The following KCNQ1 variants were observed in gnomAD, a reference collection of about 807,000 sequenced individuals.
The protein encoded by KCNQ1 is potassium voltage-gated channel subfamily Q member 1, also known as potassium voltage-gated channel subfamily KQT member 1.
A neutral mutation model predicts 72.4 loss-of-function variants in KCNQ1; 49 were observed. The ratio of observed to expected loss-of-function variants is 0.68; its 90% CI spans 0.54 to 0.86. The LOEUF is 0.86. KCNQ1 is among the 40% of genes least tolerant of loss of function. The probability of loss-of-function intolerance (pLI) is 0.00; values close to 1 mark genes in which losing one functional copy is unlikely to be tolerated. For synonymous variants in KCNQ1, 450 were observed against 412.6 expected (o/e 1.09, Z -1.10); for missense variants, 790 against 945.1 (o/e 0.84, Z 2.15).
At chr11:2,717,950 C>T (rs231887) in intron 11 of KCNQ1, among the ~76,000 whole-genome samples, 30,502 of 152,170 alleles carry the variant, frequency 0.2, 5,152 homozygotes, top group African/African-American at 0.47. Flanking sequence ...GAGTAAAGAC[C>T]ACACCTGGCA....
intron 11 of KCNQ1, among the ~76,000 whole-genome samples, chr11:2,708,395 GT>G (rs1222783682): frequency 2.0e-5 from 3 of 152,198 alleles, no homozygotes; most frequent in Non-Finnish European, 2.9e-5. Flanking sequence ...TGGCGTTTCT[GT>G]TTTGCTCCCT....
Position 2,466,406 on chromosome 11 carries a change from T to C in KCNQ1, c.386+20922T>C, listed in dbSNP as rs113702119. Among the ~76,000 whole-genome samples, 71 of 152,248 alleles carry C rather than the reference T, an allele frequency of 4.7e-4. 2 individuals are homozygous for C. Among genetic ancestry groups the C allele is most frequent in the African/African-American group, 1.6e-3 (68 of 41,568 alleles). ...GGGGCTCCCAGAAGAGAGTGAGTTT[T>C]GAGGGAACACAGTGCTGGGGGTCCC... On this transcript the variant is annotated intron_variant, in intron 1 of 15. Transcript: ENST00000155840.
intron 11 of KCNQ1, chr11:2,688,219 GGTT>G (rs1850525294): frequency 2.5e-6 from 1 of 398,776 alleles, no homozygotes; most frequent in East Asian, 3.6e-5. Context: ...GCCCACCAAA[GGTT>G]GTAGCCACTC....
At chr11:2,594,013 C>T (rs550920205) in intron 10 of KCNQ1, among the ~76,000 whole-genome samples, 1 of 152,238 alleles carries the variant, frequency 6.6e-6, no homozygotes, top group Non-Finnish European at 1.5e-5. Context: ...GTCTTTTAAA[C>T]AATCCTCTTT....
intron 11 of KCNQ1, chr11:2,685,290 T>C: frequency 2.5e-6 from 1 of 398,648 alleles, no homozygotes; most frequent in South Asian, 1.3e-4. Context: ...CCCACAAACA[T>C]GCACACAGAG....
Position 2,720,472 on chromosome 11 carries a change from G to GC in KCNQ1, c.1515-48367dup, listed in dbSNP as rs1280169828. ...AAGAAGGCCTCTCGAAGCAGAGGCAGCCCCCTCGAAGCTCACCTGGCCTCT... is the reference window on the plus strand; with the variant it reads ...AAGAAGGCCTCTCGAAGCAGAGGCAGCCCCCCTCGAAGCTCACCTGGCCTCT... On this transcript the variant is annotated intron_variant, in intron 11 of 15. Transcript: ENST00000155840. This position sits in a 1 kb window ranked among gnomAD's most constrained non-coding sequence, Gnocchi z 5.1. 6.6e-6 allele frequency among the ~76,000 whole-genome samples: 1 copy of GC among 152,186 alleles called. No individual in the cohort carries two copies. Among genetic ancestry groups the GC allele is most frequent in the Non-Finnish European group, 1.5e-5 (1 of 68,038 alleles).
At chr11:2,625,361 T>C in intron 10 of KCNQ1, 1 of 398,518 alleles carries the variant, frequency 2.5e-6, no homozygotes, top group East Asian at 3.6e-5. Flanking sequence ...GCTTAGGCTA[T>C]CCTCCCACCT....
chr11:2,622,077 T>C, intron 10 of KCNQ1: 1 of 398,354 alleles, frequency 2.5e-6, no homozygotes, highest in Non-Finnish European at 4.4e-6. Context: ...GTTCCCACTG[T>C]CATTTGTCTG....
chr11:2,612,338 T>C lies in KCNQ1; in HGVS notation c.1393+23484T>C. 1 of 398,700 alleles carries C rather than the reference T, an allele frequency of 2.5e-6. No homozygotes were observed. Among genetic ancestry groups the C allele is most frequent in the East Asian group, 3.6e-5 (1 of 28,084 alleles). The allele number at this position is 398,700 out of a possible 1,614,324, so 24.7% of individuals were successfully genotyped here. A position where few individuals can be genotyped will look rare whatever the true frequency, so the allele number is the denominator to read the frequency against. ...AACTAAAGCCTCCCCCAACTGGCTG[T>C]GGAAAAATTGTCTTCCACAAAACTG... On this transcript the variant is annotated intron_variant, in intron 10 of 15. Coordinates refer to ENST00000155840, the MANE Select transcript of KCNQ1 (RefSeq NM_000218.3). This position sits in a 1 kb window ranked among gnomAD's most constrained non-coding sequence, Gnocchi z 5.5.
rs542979014 is a variant in KCNQ1 at position 2,745,699 on chromosome 11, G to T, written c.1515-23145G>T. On this transcript the variant is annotated intron_variant, in intron 11 of 15. Transcript: ENST00000155840. The surrounding 1 kb of genome is among the most constrained non-coding windows in gnomAD (Gnocchi z 6.2). ...GCCTCAGCACCCGGCGGAGGCAGGG[G>T]CTTCCTCTGACACGATACAGGGATT... 7.9e-5 allele frequency among the ~76,000 whole-genome samples: 12 copies of T among 152,312 alleles called. No homozygotes were observed. In the East Asian group the frequency reaches 2.1e-3, roughly 27 times the overall value.
intron 1 of KCNQ1, among the ~76,000 whole-genome samples, chr11:2,455,379 G>C (rs1045473085): frequency 6.6e-6 from 1 of 152,178 alleles, no homozygotes; most frequent in Non-Finnish European, 1.5e-5. Context: ...ATTCAGGCTT[G>C]AGCCACCGTG....
intron 15 of KCNQ1, among the ~76,000 whole-genome samples, chr11:2,778,979 G>A (rs1395193061): frequency 6.6e-6 from 1 of 152,164 alleles, no homozygotes; most frequent in African/African-American, 2.4e-5. Context: ...ATCTGCCCAT[G>A]GCCTGGGGCG....
At chr11:2,665,093 TAA>T (rs1413480270) in intron 11 of KCNQ1, 3 of 398,262 alleles carry the variant, frequency 7.5e-6, no homozygotes, top group African/African-American at 2.1e-5. Flanking sequence ...ACCCAGGAGA[TAA>T]AGAGTGGCGT....
chr11:2,672,249 T>C (rs1850196853), intron 11 of KCNQ1: 1 of 398,592 alleles, frequency 2.5e-6, no homozygotes, highest in African/African-American at 2.1e-5. Context: ...TGCTTTTTTC[T>C]GCTTTTCTTT....
chr11:2,516,547 ATGT>A lies in KCNQ1; in HGVS notation c.387-11379_387-11377del, dbSNP rs1204942227. Among the ~76,000 whole-genome samples, 1 of 152,050 alleles carries A rather than the reference ATGT, an allele frequency of 6.6e-6. No homozygotes were observed. Among genetic ancestry groups the A allele is most frequent in the African/African-American group, 2.4e-5 (1 of 41,414 alleles). ...TTCCCAATTCGGTTGCCCTTGCTTG[ATGT>A]TTACATGCCACTGTTGGGTGCTCCT... On this transcript the variant is annotated intron_variant, in intron 1 of 15. Transcript: ENST00000155840. This position sits in a 1 kb window ranked among gnomAD's most constrained non-coding sequence, Gnocchi z 7.0.
chr11:2,580,593 GAGTGCCTGTTAGTGCCCCCC>G (rs1284929549), intron 6 of KCNQ1, among the ~76,000 whole-genome samples: 1 of 152,184 alleles, frequency 6.6e-6, no homozygotes, highest in Non-Finnish European at 1.5e-5. Context: ...GTGGGAGCAG[GAGTGCCTGTTAGTGCCCCCC>G]AGCCACAGAG....
Position 2,471,851 on chromosome 11 carries a change from GGT to G in KCNQ1, c.386+26376_386+26377del, listed in dbSNP as rs375180935. Among the ~76,000 whole-genome samples, 87 of 150,850 alleles carry G rather than the reference GGT, an allele frequency of 5.8e-4. No individual in the cohort carries two copies. Among genetic ancestry groups the G allele is most frequent in the African/African-American group, 1.1e-3 (43 of 40,820 alleles). The stretch of plus-strand genomic sequence containing the variant: ...GTGCGTGTGCACCTATGTGTGTATA[GGT>G]GTGTGTGTTTATGTATGGGTGTGTG... On this transcript the variant is annotated intron_variant, in intron 1 of 15. Transcript: ENST00000155840. This position sits in a 1 kb window ranked among gnomAD's most constrained non-coding sequence, Gnocchi z 4.8.
chr11:2,506,076 G>C (rs179409), intron 1 of KCNQ1, among the ~76,000 whole-genome samples: 62,898 of 152,058 alleles, frequency 0.41, 13,331 homozygotes, highest in African/African-American at 0.5. Context: ...AGGGACAGAT[G>C]CGCACTCCTA....
chr11:2,624,722 A>G lies in KCNQ1; in HGVS notation c.1393+35868A>G. Reference sequence around the variant, plus strand: ...TTTGTAATTATGAAACTCTATATCCATTAAACAATAATTCCCCAACCCCCC... The same window carrying G: ...TTTGTAATTATGAAACTCTATATCCGTTAAACAATAATTCCCCAACCCCCC... On this transcript the variant is annotated intron_variant, in intron 10 of 15. Transcript: ENST00000155840. The surrounding 1 kb of genome is among the most constrained non-coding windows in gnomAD (Gnocchi z 4.9). The G allele has an allele frequency of 2.5e-6, 1 of 398,542 alleles. No individual in the cohort carries two copies. Among genetic ancestry groups the G allele is most frequent in the Non-Finnish European group, 4.4e-6 (1 of 226,058 alleles). The allele number at this position is 398,542 out of a possible 1,614,324, so 24.7% of individuals were successfully genotyped here. A position where few individuals can be genotyped will look rare whatever the true frequency, so the allele number is the denominator to read the frequency against.
Sources: gnomAD v4.1 joint callset for allele counts (sites outside exome capture counted in the v4.1 genomes callset) on GRCh38, gnomAD v4.1.1 for gene constraint, Gnocchi (gnomAD v3.1) non-coding constraint, MANE v1.5 for transcripts, NCBI Gene and HGNC (gene_info 2026-07-23, HGNC 2026-07-21) for gene names.